Variants in ARHGAP12 observed in about 807,000 individuals in gnomAD.
ARHGAP12 encodes rho GTPase-activating protein 12.
Under a neutral mutation model 108.6 loss-of-function variants are expected in ARHGAP12, and 64 were observed. The observed-to-expected ratio is 0.59, with a 90% CI of 0.48 to 0.73. The LOEUF is 0.73. ARHGAP12 is among the 30% of genes least tolerant of loss of function. The pLI is 0.00. For missense variants in ARHGAP12, 940 were observed against 1,005.9 expected, an observed-to-expected ratio of 0.93 and a Z score of 0.89; for synonymous variants, 312 against 337.2, an observed-to-expected ratio of 0.93 and a Z score of 0.82.
chr10:31,856,706 C>T (rs929790698), intron 4 of ARHGAP12, among the ~76,000 whole-genome samples: 1 of 152,160 alleles, frequency 6.6e-6, no homozygotes, highest in African/African-American at 2.4e-5. Context: ...GCAGTAAAGA[C>T]TTCCTATTTA....
intron 14 of ARHGAP12, 76 bp downstream of exon 14, chr10:31,814,183 T>C (rs1790686360): frequency 2.6e-6 from 3 of 1,149,146 alleles, no homozygotes; most frequent in East Asian, 2.3e-5. Context: ...TCAGCTTTTA[T>C]ATATGTATTT....
At chr10:31,892,882 G>T (rs9971234) in intron 3 of ARHGAP12, among the ~76,000 whole-genome samples, 1 of 152,096 alleles carries the variant, frequency 6.6e-6, no homozygotes, top group African/African-American at 2.4e-5. Flanking sequence ...TAAAATAACA[G>T]AAATTATAAC....
intron 3 of ARHGAP12, among the ~76,000 whole-genome samples, chr10:31,890,950 T>C (rs1392641151): frequency 6.6e-6 from 1 of 152,194 alleles, no homozygotes; most frequent in East Asian, 1.9e-4. Context: ...ATTCCTACTT[T>C]GTAAATATAT....
chr10:31,908,104 A>G, intron 3 of ARHGAP12, 68 bp downstream of exon 3: 1 of 1,411,838 alleles, frequency 7.1e-7, no homozygotes, highest in Non-Finnish European at 9.5e-7. Flanking sequence ...CAAATATTTC[A>G]ATTAAAACTA....
Position 31,852,625 on chromosome 10 carries a change from T to G in ARHGAP12, c.1090-28A>C, listed in dbSNP as rs756641098. 7 of 1,510,668 alleles carry G rather than the reference T, an allele frequency of 4.6e-6. No homozygotes were observed. The South Asian group carries it at 7.9e-5, about 17-fold the overall frequency. 93.6% of individuals were successfully genotyped at this position (1,510,668 alleles called of 1,614,324 possible). Reference sequence around the variant, plus strand: ...ATAAAAACAGAACAGGTGTTTTTTATTAAATTTAAATAAAAGTGAGTTTAA... The same window carrying G: ...ATAAAAACAGAACAGGTGTTTTTTAGTAAATTTAAATAAAAGTGAGTTTAA... On this transcript the variant is annotated intron_variant, in intron 5 of 19. Coordinates refer to ENST00000344936, the MANE Select transcript of ARHGAP12 (RefSeq NM_018287.7).
In ARHGAP12 at chr10:31,926,245, T is replaced by TAATG. The variant is rs527488014; in HGVS notation, c.-111+2437_-111+2438insCATT. On this transcript the variant is annotated intron_variant, in intron 1 of 19. Transcript: ENST00000344936. The stretch of plus-strand genomic sequence containing the variant: ...ATTACAAAACGAAACTGCAGAATAT[T>TAATG]CATTAAGTCCATGAAGTCAATGAAA... Among the ~76,000 whole-genome samples, 31 of 152,214 alleles carry TAATG rather than the reference T, an allele frequency of 2.0e-4. 1 individual carries two copies. Among genetic ancestry groups the TAATG allele is most frequent in the South Asian group, 1.2e-3 (6 of 4,828 alleles).
intron 5 of ARHGAP12, 129 bp from the exon 6 acceptor site, chr10:31,852,726 ATTCTT>A: frequency 2.1e-5 from 11 of 519,250 alleles, no homozygotes; most frequent in East Asian, 1.1e-4. Context: ...GCAACAAAAA[ATTCTT>A]TTTTTTTTTT....
At position 31,853,958 on chromosome 10, in the gene ARHGAP12, A is replaced by C. The variant is rs1592291568; in HGVS notation, c.1089+108T>G. On this transcript the variant is annotated intron_variant, in intron 5 of 19. Transcript: ENST00000344936. ...TGGCATGATTATAAAGTTACAATGA[A>C]GAATATTTTCATGAGTTTTTTCTTT... 3.5e-6 allele frequency: 4 copies of C among 1,157,832 alleles called. No homozygotes were observed. In the East Asian group the frequency reaches 1.0e-4, roughly 30 times the overall value. The allele number at this position is 1,157,832 out of a possible 1,614,324, so 71.7% of individuals were successfully genotyped here. A position where few individuals can be genotyped will look rare whatever the true frequency, so the allele number is the denominator to read the frequency against.
chr10:31,849,971 TAGCTACCAGTTA>T lies in ARHGAP12; in HGVS notation c.1170+2534_1170+2545del, dbSNP rs201223335. ...TATAAAGAAACCCAGTAGGAGTATT[TAGCTACCAGTTA>T]AGACTCCAAATTATTCCTGATATTA... is the stretch of plus-strand genomic sequence containing the variant. On this transcript the variant is annotated intron_variant, in intron 6 of 19. Coordinates refer to ENST00000344936, the MANE Select transcript of ARHGAP12 (RefSeq NM_018287.7). 2.1e-4 allele frequency among the ~76,000 whole-genome samples: 32 copies of T among 152,314 alleles called. No individual in the cohort carries two copies. The East Asian group carries it at 6.0e-3, about 28-fold the overall frequency.
At chr10:31,871,462 C>T (rs557552671) in intron 3 of ARHGAP12, among the ~76,000 whole-genome samples, 2 of 152,198 alleles carry the variant, frequency 1.3e-5, no homozygotes, top group African/African-American at 4.8e-5. Flanking sequence ...CGGCTTGCTT[C>T]TGTCCTCCCC....
intron 9 of ARHGAP12, 143 bp downstream of exon 9, chr10:31,839,162 C>T: frequency 1.3e-6 from 1 of 782,774 alleles, no homozygotes; most frequent in Non-Finnish European, 2.0e-6. Flanking sequence ...ACAGAAGTCA[C>T]ATGGAGGTTT....
intron 1 of ARHGAP12, among the ~76,000 whole-genome samples, chr10:31,926,819 A>T (rs1452464645): frequency 6.6e-6 from 1 of 152,236 alleles, no homozygotes; most frequent in Non-Finnish European, 1.5e-5. Flanking sequence ...TACAGCACTT[A>T]ATCTATTTTC....
intron 1 of ARHGAP12, among the ~76,000 whole-genome samples, chr10:31,913,929 C>T (rs577636921): frequency 8.5e-5 from 13 of 152,128 alleles, no homozygotes; most frequent in African/African-American, 2.9e-4. Context: ...CACTAACCTT[C>T]TTGGTATAGC....
chr10:31,832,473 A>C (rs1326553410), intron 9 of ARHGAP12, among the ~76,000 whole-genome samples: 4 of 152,236 alleles, frequency 2.6e-5, no homozygotes, highest in African/African-American at 9.6e-5. Context: ...CACTGCACTA[A>C]AGTTAATGTT....
Position 31,908,508 on chromosome 10 carries a change from G to C in ARHGAP12, c.348C>G (p.Phe116Leu). 6.2e-7 allele frequency: 1 copy of C among 1,614,182 alleles called. No homozygotes were observed. The highest frequency in any genetic ancestry group is 8.5e-7 in the Non-Finnish European group (1 of 1,180,016). ...NVNKLPELSS[F>L]GKPSSSVQGT... ...CTTGAACAGATGACGATGGCTTTCC[G>C]AAACTTGAAAGCTCAGGCAATTTGT... Residue 116 changes from phenylalanine to leucine, a missense_variant, in exon 3 of 20, where the codon TTC (phenylalanine) becomes TTG (leucine). Coordinates refer to ENST00000344936, the MANE Select transcript of ARHGAP12 (RefSeq NM_018287.7).
chr10:31,854,122 C>T lies in ARHGAP12; in HGVS notation c.1033G>A (p.Glu345Lys). 1 of 1,613,964 alleles carries T rather than the reference C, an allele frequency of 6.2e-7. No homozygotes were observed. The highest frequency in any genetic ancestry group is 8.5e-7 in the Non-Finnish European group (1 of 1,179,930). ...QCGSPPRGWSEELDERGHTLY... is the reference protein window; with the variant it reads ...QCGSPPRGWSKELDERGHTLY... The stretch of plus-strand genomic sequence containing the variant: ...GTATGCCCACGTTCATCCAACTCTT[C>T]TGACCAACCCCTTGGAGGAGAACCA... Residue 345 changes from glutamate to lysine, a missense_variant, in exon 5 of 20, where the codon GAA becomes AAA. Physicochemically the swap from Glu to Lys is moderately conservative, Grantham distance 56 (BLOSUM62 1). Transcript: ENST00000344936.
At chr10:31,917,913 T>C (rs937845910) in intron 1 of ARHGAP12, among the ~76,000 whole-genome samples, 4 of 152,158 alleles carry the variant, frequency 2.6e-5, no homozygotes, top group African/African-American at 9.6e-5. Flanking sequence ...CCAGTTACAA[T>C]TTCCTGACTT....
chr10:31,808,948 A>G, intron 18 of ARHGAP12, 46 bp downstream of exon 18: 1 of 1,521,806 alleles, frequency 6.6e-7, no homozygotes, highest in East Asian at 2.3e-5. Context: ...ATCTGTGCAA[A>G]GAATTTTCAA....
chr10:31,866,787 A>G (rs906268739), intron 3 of ARHGAP12, among the ~76,000 whole-genome samples: 39 of 151,728 alleles, frequency 2.6e-4, no homozygotes, highest in African/African-American at 9.0e-4. Context: ...GGCTAATTTT[A>G]TATTTTTTTA....
Sources: gnomAD v4.1 joint callset for allele counts (sites outside exome capture counted in the v4.1 genomes callset) on GRCh38, gnomAD v4.1.1 for gene constraint, MANE v1.5 for transcripts, NCBI Gene and HGNC (gene_info 2026-07-23, HGNC 2026-07-21) for gene names.